The following FHIT variants were observed in gnomAD, a reference collection of about 807,000 sequenced individuals.
FHIT encodes the protein fragile histidine triad diadenosine triphosphatase.
Under a neutral mutation model 17.9 loss-of-function variants are expected in FHIT, and 19 were observed. That is an observed-to-expected ratio of 1.06 (90% CI 0.74 to 1.56). FHIT has a LOEUF of 1.56. Among genes scored for constraint, FHIT ranks in the 40% most tolerant of loss-of-function variants. The pLI is 0.00. For synonymous variants in FHIT, 81 were observed against 69.7 expected (o/e 1.16, Z -0.81); for missense variants, 248 against 189.2 (o/e 1.31, Z -1.82).
At chr3:60,121,707 C>CAAACAAAACAA (rs1559651118) in intron 5 of FHIT, among the ~76,000 whole-genome samples, 19 of 62,322 alleles carry the variant, frequency 3.0e-4, no homozygotes, top group African/African-American at 1.0e-3. Flanking sequence ...ACAAACAAAA[C>CAAACAAAACAA]AAACACACAC....
chr3:60,307,529 A>G (rs935628431), intron 5 of FHIT, among the ~76,000 whole-genome samples: 3 of 152,116 alleles, frequency 2.0e-5, no homozygotes, highest in African/African-American at 7.2e-5. Context: ...TTGTTTGACA[A>G]TGATATTTAC....
At chr3:61,048,347 C>T (rs1343661181) in intron 2 of FHIT, among the ~76,000 whole-genome samples, 1 of 152,196 alleles carries the variant, frequency 6.6e-6, no homozygotes, top group African/African-American at 2.4e-5. Flanking sequence ...CAAAAGAAGA[C>T]ATTTATGCAG....
chr3:60,133,807 G>A (rs1699697563), intron 5 of FHIT, among the ~76,000 whole-genome samples: 1 of 150,000 alleles, frequency 6.7e-6, no homozygotes, highest in African/African-American at 2.5e-5. Flanking sequence ...AGTACTTCAT[G>A]CTCATGACTA....
intron 4 of FHIT, among the ~76,000 whole-genome samples, chr3:60,744,821 T>G (rs2042324392): frequency 6.6e-6 from 1 of 152,242 alleles, no homozygotes; most frequent in African/African-American, 2.4e-5. Flanking sequence ...ATCTTCTGAT[T>G]AAACTTGTAT....
chr3:60,431,667 C>G (rs1702911060), intron 5 of FHIT, among the ~76,000 whole-genome samples: 1 of 152,090 alleles, frequency 6.6e-6, no homozygotes, highest in Non-Finnish European at 1.5e-5. Context: ...AGCCATCTTA[C>G]CAAAGTCGGG....
At chr3:60,437,648 T>G (rs2030394770) in intron 5 of FHIT, among the ~76,000 whole-genome samples, 1 of 152,110 alleles carries the variant, frequency 6.6e-6, no homozygotes, top group Non-Finnish European at 1.5e-5. Flanking sequence ...ATACTCAGGT[T>G]GTGTTATTTA....
intron 5 of FHIT, among the ~76,000 whole-genome samples, chr3:60,466,391 A>G (rs1047031430): frequency 6.6e-6 from 1 of 152,052 alleles, no homozygotes; most frequent in South Asian, 2.1e-4. Context: ...TGATTTCTCT[A>G]GCTATGACTT....
chr3:60,394,102 G>A (rs991657695), intron 5 of FHIT, among the ~76,000 whole-genome samples: 11 of 152,230 alleles, frequency 7.2e-5, no homozygotes, highest in African/African-American at 1.4e-4. Flanking sequence ...CAGGGTATGG[G>A]GGAAGGATGT....
At chr3:60,273,720 G>A (rs1370544052) in intron 5 of FHIT, among the ~76,000 whole-genome samples, 2 of 152,150 alleles carry the variant, frequency 1.3e-5, no homozygotes, top group Admixed American at 6.5e-5. Context: ...TTACAAGGCA[G>A]CAATTAACAT....
chr3:61,079,388 T>A (rs947741925), intron 2 of FHIT, among the ~76,000 whole-genome samples: 1 of 152,080 alleles, frequency 6.6e-6, no homozygotes, highest in Admixed American at 6.6e-5. Context: ...ATTTAAAAAA[T>A]TTGGATACCA....
At chr3:60,072,825 T>C (rs1004583551) in intron 5 of FHIT, among the ~76,000 whole-genome samples, 12 of 152,250 alleles carry the variant, frequency 7.9e-5, no homozygotes, top group Non-Finnish European at 1.5e-4. Context: ...TTCTTAATTA[T>C]TCATTATTTT....
At chr3:60,633,102 A>G (rs1196171926) in intron 4 of FHIT, among the ~76,000 whole-genome samples, 1 of 152,240 alleles carries the variant, frequency 6.6e-6, no homozygotes, top group Non-Finnish European at 1.5e-5. Context: ...GATTGCCACA[A>G]GCCTAAACAA....
At chr3:60,696,738 T>C (rs1201995422) in intron 4 of FHIT, among the ~76,000 whole-genome samples, 1 of 152,182 alleles carries the variant, frequency 6.6e-6, no homozygotes, top group African/African-American at 2.4e-5. Flanking sequence ...ATCCTGAGCA[T>C]TGATATCTAC....
At chr3:59,933,667 C>T (rs1204461339) in intron 7 of FHIT, among the ~76,000 whole-genome samples, 1 of 152,126 alleles carries the variant, frequency 6.6e-6, no homozygotes, top group Non-Finnish European at 1.5e-5. Flanking sequence ...CTGTTTGGAA[C>T]CATCCAGCTT....
intron 4 of FHIT, among the ~76,000 whole-genome samples, chr3:60,621,144 A>ATTTT (rs11370683): frequency 2.9e-4 from 28 of 95,066 alleles, no homozygotes; most frequent in Non-Finnish European, 3.6e-4. Flanking sequence ...TCTACTTTTG[A>ATTTT]TTTTTTTTTT....
chr3:60,272,431 CAT>C (rs568430053), intron 5 of FHIT, among the ~76,000 whole-genome samples: 56 of 152,272 alleles, frequency 3.7e-4, no homozygotes, highest in African/African-American at 1.3e-3. Flanking sequence ...AAAATCATCA[CAT>C]GTCAGAAAAG....
chr3:60,352,668 A>G (rs1388543256), intron 5 of FHIT, among the ~76,000 whole-genome samples: 2 of 151,962 alleles, frequency 1.3e-5, no homozygotes, highest in African/African-American at 4.8e-5. Flanking sequence ...CAGTCAGGTA[A>G]TTTTTTAAAA....
chr3:60,091,225 T>G (rs1703716612), intron 5 of FHIT, among the ~76,000 whole-genome samples: 1 of 152,190 alleles, frequency 6.6e-6, no homozygotes, highest in African/African-American at 2.4e-5. Context: ...GCTCACTCTT[T>G]CTGAACTCTC....
intron 3 of FHIT, among the ~76,000 whole-genome samples, chr3:60,898,506 T>C (rs1310758322): frequency 6.6e-6 from 1 of 152,222 alleles, no homozygotes; most frequent in Non-Finnish European, 1.5e-5. Context: ...TATCTTTCTC[T>C]GTAATCCTTT....
Sources: allele counts gnomAD v4.1 joint callset (sites outside exome capture counted in the v4.1 genomes callset), GRCh38; gene constraint gnomAD v4.1.1; transcripts MANE v1.5; gene names NCBI Gene and HGNC (gene_info 2026-07-23, HGNC 2026-07-21).